The following TRIM2 variants were observed in gnomAD, a reference collection of about 807,000 sequenced individuals.
The protein encoded by TRIM2 is tripartite motif-containing protein 2.
TRIM2 carries 20 observed loss-of-function variants against 75.2 expected under a neutral mutation model. The observed-to-expected ratio is 0.27, with a 90% CI of 0.19 to 0.39. The LOEUF (loss-of-function observed/expected upper bound fraction) is 0.39, where lower values mean the gene tolerates loss of function less well. TRIM2 is among the 10% of genes least tolerant of loss of function. The pLI, the probability that TRIM2 is intolerant of heterozygous loss-of-function variation, is 1.00. For synonymous variants in TRIM2, 373 were observed against 388.3 expected (o/e 0.96, Z 0.46); for missense variants, 660 against 990.8 (o/e 0.67, Z 4.48).
chr4:153,159,994 AAG>A (rs1406933098), intron 1 of TRIM2, among the ~76,000 whole-genome samples: 1 of 152,226 alleles, frequency 6.6e-6, no homozygotes, highest in Non-Finnish European at 1.5e-5. Flanking sequence ...TATTTTAAGT[AAG>A]AGTTACAACT....
chr4:153,328,800 C>T (rs1460438230), intron 11 of TRIM2, 130 bp downstream of exon 11: 12 of 986,870 alleles, frequency 1.2e-5, no homozygotes, highest in Non-Finnish European at 1.7e-5. Context: ...GATACTCTCA[C>T]CAGAAGGACC....
chr4:153,254,126 G>A (rs955304469), intron 1 of TRIM2, among the ~76,000 whole-genome samples: 4 of 152,072 alleles, frequency 2.6e-5, no homozygotes, highest in Admixed American at 6.5e-5. Flanking sequence ...AGCAGATGCC[G>A]GATTGTAAAT....
At chr4:153,205,516 G>GA (rs1322983267) in intron 1 of TRIM2, among the ~76,000 whole-genome samples, 1 of 152,118 alleles carries the variant, frequency 6.6e-6, no homozygotes, top group Non-Finnish European at 1.5e-5. Flanking sequence ...TCCTCCTGCT[G>GA]AAAAAAAGAA....
chr4:153,213,517 A>G (rs1280385511), intron 1 of TRIM2, among the ~76,000 whole-genome samples: 2 of 152,048 alleles, frequency 1.3e-5, no homozygotes, highest in Non-Finnish European at 2.9e-5. Flanking sequence ...CAATCCCACT[A>G]TTATTTTTTA....
chr4:153,204,616 G>A (rs1734884417), intron 1 of TRIM2, 56 bp downstream of exon 1: 2 of 1,548,888 alleles, frequency 1.3e-6, no homozygotes, highest in Admixed American at 2.0e-5. Flanking sequence ...TGGTTAATCC[G>A]GGGCTGGGAG....
At chr4:153,288,481 A>G (rs897602910) in intron 3 of TRIM2, among the ~76,000 whole-genome samples, 1 of 152,154 alleles carries the variant, frequency 6.6e-6, no homozygotes, top group African/African-American at 2.4e-5. Context: ...CTTATACAAG[A>G]TGAGTCACCT....
At chr4:153,308,562 CTG>C (rs1231080787) in intron 6 of TRIM2, 5 of 698,410 alleles carry the variant, frequency 7.2e-6, no homozygotes, top group Non-Finnish European at 1.3e-5. Context: ...TATCCTGTCT[CTG>C]TGCATTGCTG....
intron 1 of TRIM2, among the ~76,000 whole-genome samples, chr4:153,206,983 C>G (rs558174497): frequency 3.5e-4 from 53 of 152,216 alleles, no homozygotes; most frequent in African/African-American, 1.2e-3. Context: ...TGGGCTCAAG[C>G]GATCCTCCAG....
chr4:153,174,319 A>C (rs1162527806), intron 1 of TRIM2, among the ~76,000 whole-genome samples: 1 of 151,874 alleles, frequency 6.6e-6, no homozygotes, highest in Non-Finnish European at 1.5e-5. Flanking sequence ...GGAAAGCCAG[A>C]CCTTTCCATC....
chr4:153,282,227 C>T (rs931200414), intron 3 of TRIM2, among the ~76,000 whole-genome samples: 10 of 152,346 alleles, frequency 6.6e-5, no homozygotes, highest in African/African-American at 2.4e-4. Flanking sequence ...ACACAATTAG[C>T]TCTCAGCTTA....
Position 153,270,349 on chromosome 4 carries a change from GT to G in TRIM2, c.46del (p.Ser16GlnfsTer33). ...RYGTQQQRAG[S>X]KTAGPPCQWS... is the part of the protein sequence containing the mutation. ...CTGTCTGACAGCAGCAGCGTGCAGG[GT>G]CAAAGACAGCCGGCCCCCCATGTCA... On this transcript the variant is annotated frameshift_variant, in exon 2 of 12. Transcript: ENST00000338700. LOFTEE classifies it high-confidence loss of function. The G allele has an allele frequency of 6.2e-7, 1 of 1,612,994 alleles. No homozygotes were observed. Among genetic ancestry groups the G allele is most frequent in the Non-Finnish European group, 8.5e-7 (1 of 1,179,512 alleles).
chr4:153,226,163 G>T (rs1742078012), intron 1 of TRIM2, among the ~76,000 whole-genome samples: 1 of 152,162 alleles, frequency 6.6e-6, no homozygotes, highest in African/African-American at 2.4e-5. Flanking sequence ...GAGCCACTGT[G>T]CCTGGCCTAT....
At chr4:153,252,177 G>A (rs1367951606) in intron 1 of TRIM2, among the ~76,000 whole-genome samples, 2 of 152,150 alleles carry the variant, frequency 1.3e-5, no homozygotes, top group African/African-American at 2.4e-5. Flanking sequence ...GATTGCATTA[G>A]GCAGCGTTTA....
chr4:153,290,783 C>T (rs371347296), intron 3 of TRIM2, among the ~76,000 whole-genome samples: 10 of 152,270 alleles, frequency 6.6e-5, no homozygotes, highest in South Asian at 4.1e-4. Context: ...TGTGCCACCA[C>T]GTCCAGTTAA....
chr4:153,284,293 TG>T (rs983779793), intron 3 of TRIM2, among the ~76,000 whole-genome samples: 34 of 151,910 alleles, frequency 2.2e-4, no homozygotes, highest in African/African-American at 8.0e-4. Context: ...CTCTGCCTCC[TG>T]GGTTCGAGTG....
intron 1 of TRIM2, among the ~76,000 whole-genome samples, chr4:153,196,897 G>C (rs1188490316): frequency 6.6e-6 from 1 of 152,224 alleles, no homozygotes; most frequent in Non-Finnish European, 1.5e-5. Context: ...CCAGGCCATT[G>C]CTTGGTCCAC....
Position 153,270,358 on chromosome 4 carries a change from A to T in TRIM2, c.54A>T (p.Thr18=), listed in dbSNP as rs1224771809. 4 of 1,613,328 alleles carry T rather than the reference A, an allele frequency of 2.5e-6. No individual in the cohort carries two copies. In the East Asian group the frequency reaches 8.9e-5, roughly 36 times the overall value. The change falls in exon 2 of 12, where the codon ACA becomes ACT. Residue 18 remains threonine, a synonymous_variant. Coordinates refer to ENST00000338700, the MANE Select transcript of TRIM2 (RefSeq NM_015271.5). ...GTQQQRAGSK[T]AGPPCQWSRM... ...AGCAGCAGCGTGCAGGGTCAAAGAC[A>T]GCCGGCCCCCCATGTCAGTGGTCTA...
At chr4:153,188,315 TG>T (rs1732826443) in intron 1 of TRIM2, among the ~76,000 whole-genome samples, 1 of 151,844 alleles carries the variant, frequency 6.6e-6, no homozygotes, top group Non-Finnish European at 1.5e-5. Flanking sequence ...CAGAAGTTAG[TG>T]GGGCATGGTG....
At chr4:153,329,268 T>C (rs898626773) in intron 11 of TRIM2, among the ~76,000 whole-genome samples, 18 of 152,104 alleles carry the variant, frequency 1.2e-4, no homozygotes, top group African/African-American at 4.3e-4. Flanking sequence ...CCCATGTGTT[T>C]TGTTTTATGA....
Sources: gnomAD v4.1 joint callset for allele counts (sites outside exome capture counted in the v4.1 genomes callset) on GRCh38, gnomAD v4.1.1 for gene constraint, MANE v1.5 for transcripts, NCBI Gene and HGNC (gene_info 2026-07-23, HGNC 2026-07-21) for gene names.